Variants in SPTAN1 observed in about 807,000 individuals in gnomAD.
SPTAN1 encodes the protein spectrin alpha chain, non-erythrocytic 1.
Under a neutral mutation model 331.3 loss-of-function variants are expected in SPTAN1, and 61 were observed. The observed-to-expected ratio is 0.18, with a 90% CI of 0.15 to 0.23. The LOEUF (loss-of-function observed/expected upper bound fraction) is 0.23, where lower values mean the gene tolerates loss of function less well. Among genes scored for constraint, SPTAN1 ranks in the 10% least tolerant of loss-of-function variants. The probability of loss-of-function intolerance (pLI) is 1.00; values close to 1 mark genes in which losing one functional copy is unlikely to be tolerated. For synonymous variants in SPTAN1, 1,153 were observed against 1,173.9 expected, an observed-to-expected ratio of 0.98 and a Z score of 0.36; for missense variants, 2,043 against 3,147.9, an observed-to-expected ratio of 0.65 and a Z score of 8.40.
chr9:128,592,908 G>A (rs764160643), intron 22 of SPTAN1, 75 bp from the exon 23 acceptor site: 12 of 1,365,534 alleles, frequency 8.8e-6, no homozygotes, highest in Admixed American at 3.9e-5. Flanking sequence ...GGCACCAGTC[G>A]GAGCTGCTGC....
At chr9:128,557,878 A>G (rs1447676522) in intron 1 of SPTAN1, among the ~76,000 whole-genome samples, 2 of 134,806 alleles carry the variant, frequency 1.5e-5, no homozygotes, top group African/African-American at 5.7e-5. Context: ...ATCTCGGCTC[A>G]CTGCAAGCTC....
At chr9:128,622,957 T>C (rs1232787446) in intron 45 of SPTAN1, among the ~76,000 whole-genome samples, 3 of 151,932 alleles carry the variant, frequency 2.0e-5, no homozygotes, top group Non-Finnish European at 4.4e-5. Context: ...TTCACCATGT[T>C]GGTTAGGCTG....
rs1458297138 is a variant in SPTAN1 at position 128,627,023 on chromosome 9, G to A, written c.6576+336G>A. 1.8e-6 allele frequency: 1 copy of A among 548,644 alleles called. No homozygotes were observed. Among genetic ancestry groups the A allele is most frequent in the East Asian group, 4.6e-5 (1 of 21,628 alleles). 34.0% of individuals were successfully genotyped at this position (548,644 alleles called of 1,614,324 possible). A position where few individuals can be genotyped will look rare whatever the true frequency, so the allele number is the denominator to read the frequency against. ...AGACAGGGTGTTGCTATGTTGCCCA[G>A]GCTGGTCTTCAACTCCTGGCCTCAA... On this transcript the variant is annotated intron_variant, in intron 49 of 56. Coordinates refer to ENST00000372739, the MANE Select transcript of SPTAN1 (RefSeq NM_001130438.3). The surrounding 1 kb of genome is among the most constrained non-coding windows in gnomAD (Gnocchi z 4.9).
intron 40 of SPTAN1, 25 bp downstream of exon 40, chr9:128,613,510 C>T: frequency 6.3e-7 from 1 of 1,589,724 alleles, no homozygotes; most frequent in Non-Finnish European, 8.6e-7. Context: ...GCGGGCCAGG[C>T]CCGAGTGCCT....
At position 128,585,973 on chromosome 9, in the gene SPTAN1, G is replaced by C. The variant is rs375037363; in HGVS notation, c.2778+8G>C. 86 of 1,612,040 alleles carry C rather than the reference G, an allele frequency of 5.3e-5. No homozygotes were observed. Among genetic ancestry groups the C allele is most frequent in the Non-Finnish European group, 7.2e-5 (85 of 1,179,912 alleles). The stretch of plus-strand genomic sequence containing the variant: ...GACGAAGACTCTGCTGAGGTAACCA[G>C]GCGTGGGAAGCGTCTCACCTGCCAG... On this transcript the variant is annotated splice_region_variant and intron_variant, in intron 19 of 56. Transcript: ENST00000372739.
Position 128,605,424 on chromosome 9 carries a change from C to G in SPTAN1, c.3993C>G (p.Arg1331=), listed in dbSNP as rs1254220682. ...WSSLGKRADQ[R]KAKLGDSHDL... is the part of the protein sequence containing the mutation. ...GCCTGGGGAAACGTGCAGATCAGCG[C>G]AAGGCAAAGTTGGGTGACTCCCACG... The change falls in exon 31 of 57, where the codon CGC becomes CGG. Residue 1331 remains arginine (R), a synonymous_variant. Transcript: ENST00000372739. The G allele has an allele frequency of 1.2e-6, 2 of 1,614,062 alleles. No homozygotes were observed.
At chr9:128,561,032 A>T (rs1849265521) in intron 1 of SPTAN1, among the ~76,000 whole-genome samples, 1 of 149,824 alleles carries the variant, frequency 6.7e-6, no homozygotes, top group East Asian at 2.0e-4. Flanking sequence ...AAAAAAAAAA[A>T]AAAGAAGTGA....
At chr9:128,606,726 TC>T (rs1225526461) in intron 31 of SPTAN1, among the ~76,000 whole-genome samples, 1 of 152,062 alleles carries the variant, frequency 6.6e-6, no homozygotes, top group Non-Finnish European at 1.5e-5. Flanking sequence ...CCTCAGGTGA[TC>T]CACCCACCTC....
intron 3 of SPTAN1, among the ~76,000 whole-genome samples, chr9:128,572,004 G>A (rs960480597): frequency 3.3e-5 from 5 of 152,058 alleles, no homozygotes; most frequent in Non-Finnish European, 7.4e-5. Flanking sequence ...CCACAGGAAC[G>A]CACAAGCACA....
intron 2 of SPTAN1, 144 bp downstream of exon 2, chr9:128,567,121 T>C: frequency 8.1e-7 from 1 of 1,238,540 alleles, no homozygotes; most frequent in Non-Finnish European, 1.1e-6. Flanking sequence ...CTCATTGTTT[T>C]CCTGTATTAG....
chr9:128,561,994 G>A (rs560411565), intron 1 of SPTAN1, among the ~76,000 whole-genome samples: 1 of 152,240 alleles, frequency 6.6e-6, no homozygotes, highest in Non-Finnish European at 1.5e-5. Context: ...TAATTTCATG[G>A]CAGAATGTGG....
At chr9:128,615,933 C>T in intron 41 of SPTAN1, 93 bp downstream of exon 41, 1 of 1,379,846 alleles carries the variant, frequency 7.2e-7, no homozygotes, top group South Asian at 1.2e-5. Context: ...AGGCTGGAAA[C>T]CCTGCTGGAC....
intron 3 of SPTAN1, among the ~76,000 whole-genome samples, chr9:128,571,678 C>T (rs1019408330): frequency 6.3e-4 from 96 of 152,266 alleles, no homozygotes; most frequent in African/African-American, 2.2e-3. Flanking sequence ...AGTTACTTTG[C>T]TAACCTCTGA....
At chr9:128,605,792 G>C (rs1254238844) in intron 31 of SPTAN1, among the ~76,000 whole-genome samples, 1 of 152,190 alleles carries the variant, frequency 6.6e-6, no homozygotes, top group Admixed American at 6.5e-5. Context: ...AAGAGTTCAA[G>C]ACCAGCCTGG....
At chr9:128,597,673 G>C (rs1854491585) in intron 24 of SPTAN1, among the ~76,000 whole-genome samples, 3 of 152,208 alleles carry the variant, frequency 2.0e-5, no homozygotes, top group Admixed American at 2.0e-4. Context: ...TTTTGAGACA[G>C]AGTCTTGCTC....
chr9:128,591,535 A>C lies in SPTAN1; in HGVS notation c.3065A>C (p.Lys1022Thr), dbSNP rs1259459718. The C allele has an allele frequency of 4.3e-6, 7 of 1,614,146 alleles. No individual in the cohort carries two copies. The highest frequency in any genetic ancestry group is 5.9e-6 in the Non-Finnish European group (7 of 1,180,018). Residue 1022 changes from lysine to threonine, a missense_variant, in exon 22 of 57, where the codon AAG becomes ACG. By Grantham distance (78) the Lys-to-Thr change is moderately conservative. Around this residue, in one of 12 missense-constraint regions of SPTAN1, gnomAD observed 1,038 missense variants for 1,531.5 expected, o/e 0.68. Coordinates refer to ENST00000372739, the MANE Select transcript of SPTAN1 (RefSeq NM_001130438.3). ...RQGFVPAAYVKKLDPAQSASR... is the reference protein window; with the variant it reads ...RQGFVPAAYVTKLDPAQSASR... ...GGTTTTGTGCCGGCTGCGTACGTGA[A>C]GAAATTGGACCCCGCCCAGTCAGCC...
chr9:128,558,975 G>A (rs1589119408), intron 1 of SPTAN1, among the ~76,000 whole-genome samples: 1 of 152,176 alleles, frequency 6.6e-6, no homozygotes. Context: ...ACAGCTCCCT[G>A]TCAGGTTAAG....
At chr9:128,575,452 G>A (rs545420772) in intron 5 of SPTAN1, 107 bp downstream of exon 5, 15 of 1,256,514 alleles carry the variant, frequency 1.2e-5, no homozygotes, top group Middle Eastern at 4.7e-4. Context: ...GAGTGAGCAA[G>A]TTTTTGTAAG....
chr9:128,602,581 G>T (rs1177690651), intron 27 of SPTAN1, among the ~76,000 whole-genome samples: 1 of 151,950 alleles, frequency 6.6e-6, no homozygotes, highest in Non-Finnish European at 1.5e-5. Flanking sequence ...TCTTTCCAAT[G>T]AATTGGGTGG....
Sources: gnomAD v4.1 joint callset for allele counts (sites outside exome capture counted in the v4.1 genomes callset) on GRCh38, gnomAD v4.1.1 for gene constraint, gnomAD v4.1.1 regional missense constraint, Gnocchi (gnomAD v3.1) non-coding constraint, MANE v1.5 for transcripts, NCBI Gene and HGNC (gene_info 2026-07-23, HGNC 2026-07-21) for gene names.